The following ZNF737 variants were observed in gnomAD, a reference collection of about 807,000 sequenced individuals.
The protein encoded by ZNF737 is zinc finger protein 737.
A neutral mutation model predicts 11.7 loss-of-function variants in ZNF737; 13 were observed. The ratio of observed to expected loss-of-function variants is 1.11; its 90% CI spans 0.73 to 1.77. The LOEUF is 1.77. Ranked by LOEUF, ZNF737 falls within the 40% of genes most tolerant of loss-of-function variation. ZNF737 has a pLI of 0.00. For synonymous variants in ZNF737, 217 were observed against 216.2 expected, an observed-to-expected ratio of 1.00 and a Z score of -0.03; for missense variants, 636 against 638.0, an observed-to-expected ratio of 1.00 and a Z score of 0.03.
At position 20,542,148 on chromosome 19, in the gene ZNF737, T is replaced by C; in HGVS notation, c.*2444A>G. ...CTTGAGTAAAGTGGGATACAGTTAG[T>C]GGCACAATAATGGTTCATTAAACGC... is the stretch of plus-strand genomic sequence containing the variant. On this transcript the variant is annotated 3_prime_UTR_variant, in exon 4 of 4. Transcript: ENST00000427401. The C allele has an allele frequency of 1.0e-6, 1 of 985,244 alleles. No individual in the cohort carries two copies. The highest frequency in any genetic ancestry group is 1.2e-6 in the Non-Finnish European group (1 of 829,794). The allele number at this position is 985,244 out of a possible 1,614,324, so 61.0% of individuals were successfully genotyped here. A position where few individuals can be genotyped will look rare whatever the true frequency, so the allele number is the denominator to read the frequency against.
rs145412955 is a variant in ZNF737 at position 20,538,656 on chromosome 19, C to T, written c.*5936G>A. 1.0e-6 allele frequency: 1 copy of T among 985,172 alleles called. No homozygotes were observed. The highest frequency in any genetic ancestry group is 1.7e-5 in the African/African-American group (1 of 57,346). The allele number at this position is 985,172 out of a possible 1,614,324, so 61.0% of individuals were successfully genotyped here. On this transcript the variant is annotated 3_prime_UTR_variant, in exon 4 of 4. Transcript: ENST00000427401. ...CAAACATTTCTAAAACCATTATGGACCCTGAGTAATTCAGGGGGAATTGGT... is the reference window on the plus strand; with the variant it reads ...CAAACATTTCTAAAACCATTATGGATCCTGAGTAATTCAGGGGGAATTGGT...
rs76466602 is a variant in ZNF737, at chr19:20,553,025, A to C, written c.131-455T>G. ...AGACTCTGTCCCCGAAAAAAAAAAA[A>C]AAAAAAAAGAAAAAGAAAGAAAATA... On this transcript the variant is annotated intron_variant, in intron 2 of 3. Coordinates refer to ENST00000427401, the MANE Select transcript of ZNF737 (RefSeq NM_001159293.2). Among the ~76,000 whole-genome samples the C allele has an allele frequency of 6.5e-4, 66 of 100,816 alleles. 1 individual carries two copies. The South Asian group carries it at 0.019, about 29-fold the overall frequency. The allele number at this position is 100,816 out of a possible 152,430, so 66.1% of individuals were successfully genotyped here.
rs1555759443 is a variant in ZNF737, at chr19:20,553,721, G to A, written c.118C>T (p.Leu40=). 1.2e-6 allele frequency: 2 copies of A among 1,613,750 alleles called. No homozygotes were observed. Among genetic ancestry groups the A allele is most frequent in the Admixed American group, 3.3e-5 (2 of 59,968 alleles). Residue 40 remains leucine, a synonymous_variant, in exon 2 of 4, where the codon CTG becomes TTG. Coordinates refer to ENST00000427401, the MANE Select transcript of ZNF737 (RefSeq NM_001159293.2). ...AAGTTTTTCTCACCAAGGAAGACCAGGTTTCTGTAGTTCTCTAACATCACA... is the reference window on the plus strand; with the variant it reads ...AAGTTTTTCTCACCAAGGAAGACCAAGTTTCTGTAGTTCTCTAACATCACA... ...RNVMLENYRN[L]VFLGIVVSKP...
At chr19:20,552,205 T>C (rs1555758653) in intron 3 of ZNF737, among the ~76,000 whole-genome samples, 1 of 151,984 alleles carries the variant, frequency 6.6e-6, no homozygotes, top group Non-Finnish European at 1.5e-5. Context: ...GTATTTTATA[T>C]GCCATGAAGA....
At chr19:20,559,420 GA>G (rs1364270051) in intron 1 of ZNF737, among the ~76,000 whole-genome samples, 1 of 151,646 alleles carries the variant, frequency 6.6e-6, no homozygotes, top group East Asian at 1.9e-4. Flanking sequence ...CTAAGTACCT[GA>G]AAAAAATGCT....
intron 3 of ZNF737, among the ~76,000 whole-genome samples, chr19:20,550,288 G>A (rs1237410754): frequency 6.6e-6 from 1 of 152,096 alleles, no homozygotes; most frequent in Non-Finnish European, 1.5e-5. Context: ...TTTTATTATG[G>A]AGATATAGGC....
chr19:20,536,164 A>G, downstream of ZNF737: 1 of 888,058 alleles, frequency 1.1e-6, no homozygotes, highest in Non-Finnish European at 1.3e-6. Flanking sequence ...AAAAAAAATT[A>G]GCATATGCAT....
intron 2 of ZNF737, 52 bp downstream of exon 2, chr19:20,553,657 G>T: frequency 6.5e-7 from 1 of 1,544,882 alleles, no homozygotes; most frequent in Non-Finnish European, 8.8e-7. Flanking sequence ...ACAAGAGAGA[G>T]AAATAAAGTC....
In ZNF737 at chr19:20,543,160, T is replaced by C. The variant is rs1187671943; in HGVS notation, c.*1432A>G. 3.1e-6 allele frequency: 3 copies of C among 967,426 alleles called. No homozygotes were observed. Among genetic ancestry groups the C allele is most frequent in the Non-Finnish European group, 3.7e-6 (3 of 814,662 alleles). 59.9% of individuals were successfully genotyped at this position (967,426 alleles called of 1,614,324 possible). On this transcript the variant is annotated 3_prime_UTR_variant, in exon 4 of 4. Transcript: ENST00000427401. ...TATTTACTGCATCTGCAAAATTATA[T>C]TTTAGCATAAACTCTCTGTTGTTTT...
Position 20,541,454 on chromosome 19 carries a change from T to C in ZNF737, c.*3138A>G. 2.1e-6 allele frequency: 2 copies of C among 958,806 alleles called. No homozygotes were observed. Among genetic ancestry groups the C allele is most frequent in the Non-Finnish European group, 2.5e-6 (2 of 806,006 alleles). 59.4% of individuals were successfully genotyped at this position (958,806 alleles called of 1,614,324 possible). A position where few individuals can be genotyped will look rare whatever the true frequency, so the allele number is the denominator to read the frequency against. On this transcript the variant is annotated 3_prime_UTR_variant, in exon 4 of 4. Transcript: ENST00000427401. Reference sequence around the variant, plus strand: ...CAGAAATGTATGGATTTTATTTTTATTTTATTTTTTGAGATGGAGACTCAC... The same window carrying C: ...CAGAAATGTATGGATTTTATTTTTACTTTATTTTTTGAGATGGAGACTCAC...
At chr19:20,535,426 C>T (rs1308387398), downstream of ZNF737, among the ~76,000 whole-genome samples, 1 of 151,858 alleles carries the variant, frequency 6.6e-6, no homozygotes, top group Admixed American at 6.6e-5. Context: ...GCTATTCAGC[C>T]CTTAAAAATA....
chr19:20,542,932 T>C lies in ZNF737; in HGVS notation c.*1660A>G. On this transcript the variant is annotated 3_prime_UTR_variant, in exon 4 of 4. Coordinates refer to ENST00000427401, the MANE Select transcript of ZNF737 (RefSeq NM_001159293.2). ...TTTATTCAAGGAAACAAGTATACTT[T>C]CAACGTAATTACAATGCTTCCAAAA... The C allele has an allele frequency of 2.0e-6, 2 of 985,184 alleles. No individual in the cohort carries two copies. Among genetic ancestry groups the C allele is most frequent in the Non-Finnish European group, 1.2e-6 (1 of 829,740 alleles). The allele number at this position is 985,184 out of a possible 1,614,324, so 61.0% of individuals were successfully genotyped here.
In ZNF737 at chr19:20,543,271, T is replaced by C. The variant is rs1555755519; in HGVS notation, c.*1321A>G. On this transcript the variant is annotated 3_prime_UTR_variant, in exon 4 of 4. Transcript: ENST00000427401. ...ATCTCCAATATAAATTCCCTGATGT[T>C]GAACAAACTTGAGCAACTGCTTTAG... The C allele has an allele frequency of 1.0e-6, 1 of 985,310 alleles. No homozygotes were observed. Among genetic ancestry groups the C allele is most frequent in the African/African-American group, 1.7e-5 (1 of 57,242 alleles). The allele number at this position is 985,310 out of a possible 1,614,324, so 61.0% of individuals were successfully genotyped here. A position where few individuals can be genotyped will look rare whatever the true frequency, so the allele number is the denominator to read the frequency against.
chr19:20,545,974 T>C lies in ZNF737; in HGVS notation c.229A>G (p.Thr77Ala), dbSNP rs369102452. 103 of 1,539,652 alleles carry C rather than the reference T, an allele frequency of 6.7e-5. No homozygotes were observed. The African/African-American group carries it at 1.3e-3, about 20-fold the overall frequency. The part of the protein sequence containing the change: ...KHEMVANPSV[T>A]CSHFARDLWP... ...AGATCTCGGGCAAAATGAGAACACG[T>C]AACTGAAAGAAACAATAAAAGCACA... The change falls in exon 4 of 4, where the codon ACG (threonine) becomes GCG (alanine). Residue 77 changes from threonine (T) to alanine (A), a missense_variant and splice_region_variant. By Grantham distance (58) the Thr-to-Ala change is moderately conservative. Transcript: ENST00000427401.
chr19:20,562,828 C>T (rs1233191813), intron 1 of ZNF737, among the ~76,000 whole-genome samples: 1 of 152,086 alleles, frequency 6.6e-6, no homozygotes, highest in Non-Finnish European at 1.5e-5. Flanking sequence ...CTTTGAGCTA[C>T]CCTCAGTCTG....
At position 20,538,179 on chromosome 19, in the gene ZNF737, T is replaced by TA. The variant is rs1383513449; in HGVS notation, c.*6412dup. ...GCAAAGTTTATTCAAAGACCTGTGC[T>TA]AACATTCTTAAATATCTGCTAAGCA... is the stretch of plus-strand genomic sequence containing the variant. On this transcript the variant is annotated 3_prime_UTR_variant, in exon 4 of 4. Coordinates refer to ENST00000427401, the MANE Select transcript of ZNF737 (RefSeq NM_001159293.2). 1.1e-4 allele frequency: 23 copies of TA among 207,584 alleles called. No individual in the cohort carries two copies. In the Admixed American group the frequency reaches 1.5e-3, roughly 14 times the overall value. 12.9% of individuals were successfully genotyped at this position (207,584 alleles called of 1,614,324 possible). A position where few individuals can be genotyped will look rare whatever the true frequency, so the allele number is the denominator to read the frequency against.
Position 20,544,747 on chromosome 19 carries a change from A to G in ZNF737, c.1456T>C (p.Cys486Arg), listed in dbSNP as rs942736409. ...TGEKPYKCER[C>R]GKAFKRSFIL... ...AAGGAGCGCTTAAAAGCCTTGCCAC[A>G]TCGTTCACATTTGTAGGGTTTCTCT... Residue 486 changes from cysteine (C) to arginine (R), a missense_variant, in exon 4 of 4, where the codon TGT (cysteine) becomes CGT (arginine). Transcript: ENST00000427401. 1.2e-6 allele frequency: 2 copies of G among 1,607,088 alleles called. No individual in the cohort carries two copies. The highest frequency in any genetic ancestry group is 1.7e-6 in the Non-Finnish European group (2 of 1,177,790).
chr19:20,530,284 C>T, the ZNF737 span, among the ~76,000 whole-genome samples: 4 of 135,890 alleles, frequency 2.9e-5, no homozygotes, highest in South Asian at 2.5e-4. Flanking sequence ...ACCTCCCTCC[C>T]GGATGGGGCA....
At chr19:20,556,608 G>A (rs113950568) in intron 1 of ZNF737, among the ~76,000 whole-genome samples, 1,841 of 147,326 alleles carry the variant, frequency 0.012, 45 homozygotes, top group African/African-American at 0.047. Flanking sequence ...ATTACCATTA[G>A]TCAGAGAAGC....
Sources: allele counts gnomAD v4.1 joint callset (sites outside exome capture counted in the v4.1 genomes callset), GRCh38; gene constraint gnomAD v4.1.1; transcripts MANE v1.5; gene names NCBI Gene and HGNC (gene_info 2026-07-23, HGNC 2026-07-21).